Variants in DOCK9 observed in about 807,000 individuals in gnomAD.
DOCK9 encodes the protein dedicator of cytokinesis protein 9.
In DOCK9, 89 loss-of-function variants were observed where a neutral mutation model predicts 263.3. That is an observed-to-expected ratio of 0.34 (90% CI 0.28 to 0.40). DOCK9 has a LOEUF of 0.40. Ranked by LOEUF, DOCK9 falls within the 10% of genes least tolerant of loss-of-function variation. The pLI, the probability that DOCK9 is intolerant of heterozygous loss-of-function variation, is 1.00. For missense variants in DOCK9, 2,140 were observed against 2,603.4 expected (o/e 0.82, Z 3.87); for synonymous variants, 976 against 973.1 (o/e 1.00, Z -0.06).
intron 1 of DOCK9, among the ~76,000 whole-genome samples, chr13:99,078,208 G>A (rs116577088): frequency 2.7e-3 from 410 of 152,238 alleles, no homozygotes; most frequent in African/African-American, 9.5e-3. Context: ...CACAACATGC[G>A]GTAGAAGCGG....
intron 30 of DOCK9, among the ~76,000 whole-genome samples, chr13:98,863,837 A>C (rs528265890): frequency 1.3e-5 from 2 of 152,362 alleles, no homozygotes; most frequent in African/African-American, 4.8e-5. Flanking sequence ...GAACAGTTTA[A>C]GTACCAATTT....
chr13:98,808,907 C>A (rs985492883), intron 47 of DOCK9, among the ~76,000 whole-genome samples: 1 of 152,176 alleles, frequency 6.6e-6, no homozygotes, highest in African/African-American at 2.4e-5. Flanking sequence ...TGCACAGGCA[C>A]AAAGGACACC....
At chr13:98,942,432 G>A (rs1321223092) in intron 2 of DOCK9, among the ~76,000 whole-genome samples, 2 of 151,966 alleles carry the variant, frequency 1.3e-5, no homozygotes, top group African/African-American at 4.8e-5. Context: ...TAGAGATGGG[G>A]TTTTGCCGTG....
At position 98,867,762 on chromosome 13, in the gene DOCK9, T is replaced by G. The variant is rs866396985; in HGVS notation, c.3174+166A>C. ...GTCTTCAATTGATTTTTAGGGCTCC[T>G]CCTACTTCAATGAAGGACTTCAGGT... On this transcript the variant is annotated intron_variant, in intron 29 of 52. Transcript: ENST00000682017. Among the ~76,000 whole-genome samples, 488 of 152,052 alleles carry G rather than the reference T, an allele frequency of 3.2e-3. 1 individual carries two copies. Among genetic ancestry groups the G allele is most frequent in the African/African-American group, 0.011 (449 of 41,466 alleles).
At chr13:98,858,127 T>C (rs1214698944) in intron 33 of DOCK9, 1 of 152,198 alleles carries the variant, frequency 6.6e-6, no homozygotes, top group Non-Finnish European at 1.5e-5. Flanking sequence ...AAAATCAATA[T>C]GCTTAGTTTG....
intron 1 of DOCK9, among the ~76,000 whole-genome samples, chr13:99,063,958 C>T (rs1337741121): frequency 6.6e-6 from 1 of 152,194 alleles, no homozygotes; most frequent in Non-Finnish European, 1.5e-5. Context: ...GGAGGCTCAA[C>T]ACTTTCATAG....
At chr13:98,971,056 G>A (rs1055415357) in intron 1 of DOCK9, among the ~76,000 whole-genome samples, 1 of 152,152 alleles carries the variant, frequency 6.6e-6, no homozygotes, top group African/African-American at 2.4e-5. Context: ...TCCATCCCAG[G>A]TTATTCTGAG....
At chr13:99,052,650 C>A (rs1017371693) in intron 1 of DOCK9, among the ~76,000 whole-genome samples, 2 of 152,030 alleles carry the variant, frequency 1.3e-5, no homozygotes, top group African/African-American at 2.4e-5. Context: ...GGCTGGAGAG[C>A]AACGCAGTGG....
chr13:98,955,948 C>T (rs1317666732), intron 1 of DOCK9, among the ~76,000 whole-genome samples: 1 of 152,224 alleles, frequency 6.6e-6, no homozygotes, highest in Non-Finnish European at 1.5e-5. Context: ...ACCATCCCTC[C>T]TTGGCCCAGG....
At position 98,988,474 on chromosome 13, in the gene DOCK9, C is replaced by T. The variant is rs374553954; in HGVS notation, c.130-32923G>A. On this transcript the variant is annotated intron_variant, in intron 1 of 32. Coordinates refer to the DOCK9 transcript ENST00000427887. ...TCTCTTATTTTACAAAGGAGGACAG[C>T]GAGACACAGAAGTTAAAGAACCGGT... 3.6e-4 allele frequency among the ~76,000 whole-genome samples: 55 copies of T among 152,186 alleles called. No homozygotes were observed. In the East Asian group the frequency reaches 4.2e-3, roughly 12 times the overall value.
chr13:98,940,456 T>C (rs1268300429), intron 2 of DOCK9, among the ~76,000 whole-genome samples: 2 of 152,134 alleles, frequency 1.3e-5, no homozygotes, highest in African/African-American at 4.8e-5. Flanking sequence ...TGGAGTGCAG[T>C]GGTGTGATCA....
At chr13:98,908,546 T>C (rs896588183) in intron 9 of DOCK9, among the ~76,000 whole-genome samples, 5 of 152,244 alleles carry the variant, frequency 3.3e-5, no homozygotes, top group African/African-American at 1.2e-4. Flanking sequence ...TGCTGATATG[T>C]ATGTAAGGGG....
intron 1 of DOCK9, among the ~76,000 whole-genome samples, chr13:99,045,098 G>C (rs181629452): frequency 6.6e-6 from 1 of 152,132 alleles, no homozygotes. Flanking sequence ...AACAGTATGG[G>C]GGTTCCTTAA....
intron 1 of DOCK9, among the ~76,000 whole-genome samples, chr13:98,960,792 A>G (rs2058547736): frequency 1.3e-5 from 2 of 152,180 alleles, no homozygotes; most frequent in South Asian, 4.1e-4. Context: ...CATGCTCTCC[A>G]GGGGATTCTG....
At chr13:98,898,799 A>G (rs1026751673) in intron 13 of DOCK9, among the ~76,000 whole-genome samples, 9 of 152,224 alleles carry the variant, frequency 5.9e-5, no homozygotes, top group Non-Finnish European at 1.3e-4. Flanking sequence ...CTTTCTAAAC[A>G]TGAATTACTG....
intron 10 of DOCK9, among the ~76,000 whole-genome samples, chr13:98,904,362 G>T (rs2048769608): frequency 1.3e-5 from 2 of 152,322 alleles, no homozygotes; most frequent in Admixed American, 6.5e-5. Flanking sequence ...TATTTTAACA[G>T]GTAAATTAGA....
At chr13:98,936,785 T>C (rs1386948116) in intron 2 of DOCK9, among the ~76,000 whole-genome samples, 1 of 152,210 alleles carries the variant, frequency 6.6e-6, no homozygotes, top group Non-Finnish European at 1.5e-5. Context: ...GGGAAGACTA[T>C]AGCATGAGTG....
intron 1 of DOCK9, among the ~76,000 whole-genome samples, chr13:99,038,307 T>C (rs1888132475): frequency 7.5e-6 from 1 of 132,960 alleles, no homozygotes; most frequent in Admixed American, 7.6e-5. Flanking sequence ...TTTTTTTTTT[T>C]TTTTTTTTTT....
At chr13:98,804,959 G>A (rs1324433950) in intron 49 of DOCK9, 40 bp downstream of exon 49, 5 of 1,553,988 alleles carry the variant, frequency 3.2e-6, no homozygotes, top group Non-Finnish European at 4.4e-6. Flanking sequence ...CTTTGGCGAG[G>A]TGTCCGGGCT....
Sources: gnomAD v4.1 joint callset for allele counts (sites outside exome capture counted in the v4.1 genomes callset) on GRCh38, gnomAD v4.1.1 for gene constraint, MANE v1.5 for transcripts, NCBI Gene and HGNC (gene_info 2026-07-23, HGNC 2026-07-21) for gene names.